The following AKAP13 variants were observed in gnomAD, a reference collection of about 807,000 sequenced individuals.
The protein encoded by AKAP13 is A-kinase anchoring protein 13.
In AKAP13, 80 loss-of-function variants were observed where a neutral mutation model predicts 264.5. That is an observed-to-expected ratio of 0.30 (90% CI 0.25 to 0.36). The LOEUF (loss-of-function observed/expected upper bound fraction) is 0.36. Among genes scored for constraint, AKAP13 ranks in the 10% least tolerant of loss-of-function variants. AKAP13 has a pLI of 1.00. For missense variants in AKAP13, 3,712 were observed against 3,435.2 expected, an observed-to-expected ratio of 1.08 and a Z score of -2.01; for synonymous variants, 1,380 against 1,250.2, an observed-to-expected ratio of 1.10 and a Z score of -2.19.
At chr15:85,403,929 C>T (rs1234563269) in intron 1 of AKAP13, among the ~76,000 whole-genome samples, 1 of 151,776 alleles carries the variant, frequency 6.6e-6, no homozygotes, top group African/African-American at 2.4e-5. Flanking sequence ...GTAGCTATGA[C>T]AGTACCACAT....
intron 2 of AKAP13, among the ~76,000 whole-genome samples, chr15:85,520,127 T>C (rs557813754): frequency 1.4e-4 from 22 of 152,150 alleles, no homozygotes; most frequent in African/African-American, 5.3e-4. Flanking sequence ...TGCTAATAAT[T>C]AGGACTGTAT....
chr15:85,501,290 C>T (rs2076031187), intron 2 of AKAP13, among the ~76,000 whole-genome samples: 1 of 152,194 alleles, frequency 6.6e-6, no homozygotes, highest in Non-Finnish European at 1.5e-5. Flanking sequence ...TCCTCATTTT[C>T]CAGATCCCTG....
chr15:85,381,026 C>T (rs1424643826), intron 1 of AKAP13, among the ~76,000 whole-genome samples: 1 of 151,832 alleles, frequency 6.6e-6, no homozygotes, highest in African/African-American at 2.4e-5. Flanking sequence ...CCCGCATTGT[C>T]TGCTTGGGGC....
chr15:85,529,369 C>T (rs1165076548), intron 3 of AKAP13, among the ~76,000 whole-genome samples: 1 of 152,020 alleles, frequency 6.6e-6, no homozygotes, highest in African/African-American at 2.4e-5. Flanking sequence ...TGCAGTGAGC[C>T]GAGATCGTGC....
chr15:85,726,594 C>G (rs2087628125), intron 27 of AKAP13, 108 bp downstream of exon 27: 2 of 926,784 alleles, frequency 2.2e-6, no homozygotes, highest in Non-Finnish European at 3.2e-6. Flanking sequence ...TTAAATGGCT[C>G]AGGACAAATT....
intron 5 of AKAP13, among the ~76,000 whole-genome samples, chr15:85,563,877 G>A (rs2078506473): frequency 1.3e-5 from 2 of 152,058 alleles, no homozygotes; most frequent in African/African-American, 4.8e-5. Context: ...TTTTTTATAG[G>A]TCAAGATGCA....
intron 1 of AKAP13, among the ~76,000 whole-genome samples, chr15:85,393,406 A>T (rs776175203): frequency 3.3e-5 from 5 of 152,190 alleles, no homozygotes; most frequent in Non-Finnish European, 7.3e-5. Context: ...CTCTTCAGGG[A>T]TTAAAGGCAT....
At chr15:85,739,730 A>G (rs1220043491) in intron 33 of AKAP13, among the ~76,000 whole-genome samples, 12 of 151,754 alleles carry the variant, frequency 7.9e-5, no homozygotes, top group Non-Finnish European at 1.5e-4. Context: ...GGACATAAAT[A>G]TGGTTTATTT....
At chr15:85,548,409 C>T (rs377744351) in intron 5 of AKAP13, among the ~76,000 whole-genome samples, 4 of 152,050 alleles carry the variant, frequency 2.6e-5, no homozygotes, top group Non-Finnish European at 4.4e-5. Context: ...ATAAATATTT[C>T]TTCTTGGAGA....
At chr15:85,486,677 G>A (rs2075558121) in intron 2 of AKAP13, among the ~76,000 whole-genome samples, 1 of 146,732 alleles carries the variant, frequency 6.8e-6, no homozygotes, top group Non-Finnish European at 1.5e-5. Context: ...CTTGAAATTT[G>A]TTGCTTATGG....
chr15:85,707,578 T>C (rs2086369351), intron 17 of AKAP13, among the ~76,000 whole-genome samples: 1 of 152,264 alleles, frequency 6.6e-6, no homozygotes, highest in Admixed American at 6.5e-5. Context: ...ATTTGTAATT[T>C]AGACTTACAC....
chr15:85,646,048 T>G lies in AKAP13; in HGVS notation c.4374+94T>G, dbSNP rs577449323. ...CTTTTCCAACTTTTTCCCCCTCTTG[T>G]GCTCTCCTGTTTCCCTAAATATGTA... On this transcript the variant is annotated intron_variant, in intron 10 of 36. Transcript: ENST00000394518. 4.0e-6 allele frequency: 6 copies of G among 1,486,554 alleles called. No individual in the cohort carries two copies. In the East Asian group the frequency reaches 1.2e-4, roughly 29 times the overall value. 92.1% of individuals were successfully genotyped at this position (1,486,554 alleles called of 1,614,324 possible). A position where few individuals can be genotyped will look rare whatever the true frequency, so the allele number is the denominator to read the frequency against.
At chr15:85,624,139 C>T (rs1049090210) in intron 8 of AKAP13, among the ~76,000 whole-genome samples, 11 of 152,150 alleles carry the variant, frequency 7.2e-5, no homozygotes, top group African/African-American at 2.7e-4. Flanking sequence ...TTAGCCTGGG[C>T]CATTGCTGTT....
chr15:85,583,114 C>A (rs905132650), intron 7 of AKAP13: 2 of 985,332 alleles, frequency 2.0e-6, no homozygotes, highest in Admixed American at 1.2e-4. Context: ...CCACCTGTTA[C>A]CAGCTGTAGA....
chr15:85,713,810 C>T (rs2086764457), intron 19 of AKAP13, among the ~76,000 whole-genome samples: 1 of 152,128 alleles, frequency 6.6e-6, no homozygotes, highest in Non-Finnish European at 1.5e-5. Context: ...CCTCTTGACA[C>T]TCCTGGGGAT....
chr15:85,463,820 C>T (rs1229766944), intron 1 of AKAP13, among the ~76,000 whole-genome samples: 10 of 145,206 alleles, frequency 6.9e-5, no homozygotes, highest in African/African-American at 7.6e-5. Context: ...TTTTTTTTTT[C>T]CCCCTGGGTG....
intron 16 of AKAP13, among the ~76,000 whole-genome samples, chr15:85,685,739 G>A (rs1379382817): frequency 6.6e-6 from 1 of 152,030 alleles, no homozygotes; most frequent in Non-Finnish European, 1.5e-5. Flanking sequence ...CACTCTTCTC[G>A]CTGCAGGCTT....
At position 85,710,572 on chromosome 15, in the gene AKAP13, T is replaced by C; in HGVS notation, c.5533-7T>C. 5 of 1,613,470 alleles carry C rather than the reference T, an allele frequency of 3.1e-6. No homozygotes were observed. Among genetic ancestry groups the C allele is most frequent in the Non-Finnish European group, 4.2e-6 (5 of 1,179,734 alleles). On this transcript the variant is annotated splice_polypyrimidine_tract_variant and splice_region_variant and intron_variant, in intron 18 of 36. Transcript: ENST00000394518. ...ATTGTCAATGGACTTACTTTCTTTC[T>C]CTTTAGCAGCCCAAAGGGAGCCTTC...
At chr15:85,566,096 A>T (rs1258895104) in intron 5 of AKAP13, among the ~76,000 whole-genome samples, 1 of 152,228 alleles carries the variant, frequency 6.6e-6, no homozygotes, top group Admixed American at 6.5e-5. Flanking sequence ...GTTCATGTGA[A>T]CTATTTGTAC....
Sources: allele counts gnomAD v4.1 joint callset (sites outside exome capture counted in the v4.1 genomes callset), GRCh38; gene constraint gnomAD v4.1.1; transcripts MANE v1.5; gene names NCBI Gene and HGNC (gene_info 2026-07-23, HGNC 2026-07-21).